Variants in ADAMTS2 observed in about 807,000 individuals in gnomAD.
ADAMTS2 encodes ADAM metallopeptidase with thrombospondin type 1 motif 2.
ADAMTS2 carries 50 observed loss-of-function variants against 123.0 expected under a neutral mutation model. The ratio of observed to expected loss-of-function variants is 0.41; its 90% CI spans 0.32 to 0.51. The LOEUF (loss-of-function observed/expected upper bound fraction) is 0.51. Ranked by LOEUF, ADAMTS2 falls within the 20% of genes least tolerant of loss-of-function variation. ADAMTS2 has a pLI of 0.35. For missense variants in ADAMTS2, 1,494 were observed against 1,705.2 expected, an observed-to-expected ratio of 0.88 and a Z score of 2.18; for synonymous variants, 678 against 695.4, an observed-to-expected ratio of 0.98 and a Z score of 0.39.
At chr5:179,217,838 A>ATGG (rs1765031213) in intron 3 of ADAMTS2, among the ~76,000 whole-genome samples, 1 of 85,872 alleles carries the variant, frequency 1.2e-5, no homozygotes, top group African/African-American at 5.8e-5. Context: ...CTGAGGGCAG[A>ATGG]CAGGCACACT....
intron 4 of ADAMTS2, among the ~76,000 whole-genome samples, chr5:179,196,193 A>C (rs374578393): frequency 6.6e-6 from 1 of 152,224 alleles, no homozygotes; most frequent in East Asian, 1.9e-4. Flanking sequence ...TTCTGGATTA[A>C]ATTAGAAATG....
chr5:179,314,578 G>T lies in ADAMTS2; in HGVS notation c.534+29189C>A, dbSNP rs1183289587. On this transcript the variant is annotated intron_variant, in intron 2 of 21. Transcript: ENST00000251582. The surrounding 1 kb of genome is among the most constrained non-coding windows in gnomAD (Gnocchi z 4.5). ...CCCGGGCCGTGTCTCTCTCTCACGG[G>T]CCCACATCCTCACTGGACTGTCTCC... 1.3e-5 allele frequency among the ~76,000 whole-genome samples: 2 copies of T among 152,126 alleles called. No homozygotes were observed. The highest frequency in any genetic ancestry group is 3.9e-4 in the East Asian group (2 of 5,184).
rs913778317 is a variant in ADAMTS2, at chr5:179,228,860, G to A, written c.689-21145C>T. Among the ~76,000 whole-genome samples, 1 of 152,230 alleles carries A rather than the reference G, an allele frequency of 6.6e-6. No homozygotes were observed. The highest frequency in any genetic ancestry group is 1.5e-5 in the Non-Finnish European group (1 of 68,042). On this transcript the variant is annotated intron_variant, in intron 3 of 21. Coordinates refer to ENST00000251582, the MANE Select transcript of ADAMTS2 (RefSeq NM_014244.5). The surrounding 1 kb of genome is among the most constrained non-coding windows in gnomAD (Gnocchi z 5.2). ...CTCCTTCCCAGAGGAGGGAGCCGAA[G>A]CTCTGCCAGTCTGCACTGAAGTCTG... is the stretch of plus-strand genomic sequence containing the variant.
chr5:179,122,554 A>C, intron 20 of ADAMTS2, 90 bp downstream of exon 20: 5 of 1,508,076 alleles, frequency 3.3e-6, no homozygotes, highest in Non-Finnish European at 4.5e-6. Context: ...CTCTCCGGGA[A>C]GAGCCAGATT....
chr5:179,143,412 AAC>A (rs1431315652), intron 10 of ADAMTS2, among the ~76,000 whole-genome samples: 2 of 151,738 alleles, frequency 1.3e-5, no homozygotes, highest in East Asian at 3.9e-4. Flanking sequence ...CAGGCTGGGT[AAC>A]AGAGACTCTG....
intron 2 of ADAMTS2, among the ~76,000 whole-genome samples, chr5:179,299,945 T>A (rs1267899834): frequency 1.3e-5 from 2 of 151,722 alleles, no homozygotes; most frequent in Admixed American, 6.6e-5. Flanking sequence ...ATACAAAAAA[T>A]TAGCCAGGCG....
chr5:179,343,629 G>C, intron 2 of ADAMTS2, 138 bp downstream of exon 2: 2 of 1,213,070 alleles, frequency 1.6e-6, no homozygotes, highest in Non-Finnish European at 2.3e-6. Context: ...GTTGGAGCAC[G>C]AGGCTCACTA....
At chr5:179,343,156 C>T (rs1314785849) in intron 2 of ADAMTS2, among the ~76,000 whole-genome samples, 1 of 152,232 alleles carries the variant, frequency 6.6e-6, no homozygotes, top group Non-Finnish European at 1.5e-5. Flanking sequence ...AGAGGGCTAA[C>T]TGGGCATTTC....
intron 3 of ADAMTS2, among the ~76,000 whole-genome samples, chr5:179,254,874 G>A (rs983236706): frequency 6.6e-6 from 1 of 152,278 alleles, no homozygotes; most frequent in African/African-American, 2.4e-5. Context: ...TTCAGGGACA[G>A]AGACCAGATT....
chr5:179,192,340 G>C (rs1764325603), intron 4 of ADAMTS2, among the ~76,000 whole-genome samples: 1 of 152,228 alleles, frequency 6.6e-6, no homozygotes, highest in Non-Finnish European at 1.5e-5. Flanking sequence ...TGAAAGCGCA[G>C]TCATGCAGGG....
chr5:179,176,711 CTTAG>C (rs1763938088), intron 5 of ADAMTS2, among the ~76,000 whole-genome samples: 1 of 152,258 alleles, frequency 6.6e-6, no homozygotes, highest in East Asian at 1.9e-4. Flanking sequence ...CAGTGATCTT[CTTAG>C]AAATGCACAT....
chr5:179,191,118 G>A (rs570074303), intron 4 of ADAMTS2, among the ~76,000 whole-genome samples: 2 of 152,364 alleles, frequency 1.3e-5, no homozygotes, highest in African/African-American at 4.8e-5. Flanking sequence ...GACGCAGAAG[G>A]ACACGGCCGA....
At chr5:179,298,101 C>T (rs1451740143) in intron 2 of ADAMTS2, among the ~76,000 whole-genome samples, 1 of 152,162 alleles carries the variant, frequency 6.6e-6, no homozygotes, top group Non-Finnish European at 1.5e-5. Context: ...CCTCGTGCCA[C>T]AGTGACCCTG....
intron 2 of ADAMTS2, among the ~76,000 whole-genome samples, chr5:179,343,495 A>AG (rs1454604468): frequency 1.3e-5 from 2 of 152,246 alleles, no homozygotes; most frequent in African/African-American, 4.8e-5. Flanking sequence ...CTGTTCAGGC[A>AG]GGCAAAAGAG....
rs867176264 is a variant in ADAMTS2 at position 179,291,922 on chromosome 5, T to A, written c.535-18858A>T. 3.3e-4 allele frequency among the ~76,000 whole-genome samples: 49 copies of A among 148,442 alleles called. No homozygotes were observed. In the South Asian group the frequency reaches 5.6e-3, roughly 17 times the overall value. ...TAGCTAATTTAAAAAAAAAAAAAAA[T>A]TTGTAGAAATGAGGTCTTGCTATGT... On this transcript the variant is annotated intron_variant, in intron 2 of 21. Coordinates refer to ENST00000251582, the MANE Select transcript of ADAMTS2 (RefSeq NM_014244.5).
At chr5:179,137,641 TG>T in intron 12 of ADAMTS2, 127 bp downstream of exon 12, 2 of 1,295,174 alleles carry the variant, frequency 1.5e-6, no homozygotes, top group Non-Finnish European at 1.1e-6. Context: ...CCAGCCAGGG[TG>T]GGCTCTCCTG....
rs553339803 is a variant in ADAMTS2, at chr5:179,178,913, G to A, written c.975+2159C>T. ...CCACATTCCAAAAGATTTGACAGTA[G>A]TGCTCTTGTTTTTATTAGTGTTCCA... On this transcript the variant is annotated intron_variant, in intron 5 of 21. Transcript: ENST00000251582. Among the ~76,000 whole-genome samples, 118 of 152,326 alleles carry A rather than the reference G, an allele frequency of 7.7e-4. 1 individual carries two copies. The highest frequency in any genetic ancestry group is 1.7e-3 in the South Asian group (8 of 4,826).
rs1350955926 is a variant in ADAMTS2, at chr5:179,111,305, C to G, written c.*2562G>C. 6.6e-6 allele frequency: 1 copy of G among 152,252 alleles called. No individual in the cohort carries two copies. Among genetic ancestry groups the G allele is most frequent in the African/African-American group, 2.4e-5 (1 of 41,470 alleles). 9.4% of individuals were successfully genotyped at this position (152,252 alleles called of 1,614,324 possible). A position where few individuals can be genotyped will look rare whatever the true frequency, so the allele number is the denominator to read the frequency against. ...ACTCAGCTAGAAGACATCTGTCTGC[C>G]TCCTCTGGGCGCCAGGAGCCCCTCA... On this transcript the variant is annotated 3_prime_UTR_variant, in exon 22 of 22. Coordinates refer to ENST00000251582, the MANE Select transcript of ADAMTS2 (RefSeq NM_014244.5).
intron 3 of ADAMTS2, among the ~76,000 whole-genome samples, chr5:179,267,537 G>T (rs976885229): frequency 6.6e-6 from 1 of 152,240 alleles, no homozygotes. Flanking sequence ...CCTGGTAGCA[G>T]TTCCCCAGGA....
Sources: allele counts gnomAD v4.1 joint callset (sites outside exome capture counted in the v4.1 genomes callset), GRCh38; gene constraint gnomAD v4.1.1; non-coding constraint Gnocchi (gnomAD v3.1); transcripts MANE v1.5; gene names NCBI Gene and HGNC (gene_info 2026-07-23, HGNC 2026-07-21).